The following GNAI1 variants were observed in gnomAD, a reference collection of about 807,000 sequenced individuals.
GNAI1 encodes the protein G protein subunit alpha i1, also known as guanine nucleotide-binding protein G(i) subunit alpha-1.
Under a neutral mutation model 38.9 loss-of-function variants are expected in GNAI1, and 11 were observed. The ratio of observed to expected loss-of-function variants is 0.28; its 90% CI spans 0.18 to 0.47. The LOEUF is 0.47. Among genes scored for constraint, GNAI1 ranks in the 20% least tolerant of loss-of-function variants. GNAI1 has a pLI of 0.99. For missense variants in GNAI1, 317 were observed against 436.9 expected (o/e 0.73, Z 2.45); for synonymous variants, 166 against 145.1 (o/e 1.14, Z -1.04).
intron 7 of GNAI1, among the ~76,000 whole-genome samples, chr7:80,215,538 A>C (rs1203035597): frequency 6.6e-6 from 1 of 152,204 alleles, no homozygotes; most frequent in African/African-American, 2.4e-5. Context: ...AAATCTCATA[A>C]TCTATGCTGT....
At chr7:80,211,360 T>C (rs1788870051) in intron 6 of GNAI1, among the ~76,000 whole-genome samples, 1 of 152,204 alleles carries the variant, frequency 6.6e-6, no homozygotes, top group Admixed American at 6.5e-5. Flanking sequence ...GGAAATATAG[T>C]TACATAGTAG....
chr7:80,158,362 C>T (rs548364679), intron 1 of GNAI1, among the ~76,000 whole-genome samples: 1 of 152,230 alleles, frequency 6.6e-6, no homozygotes, highest in African/African-American at 2.4e-5. Flanking sequence ...TTCTTGTTTT[C>T]TAAAGGGTGA....
chr7:80,220,008 A>G lies in GNAI1; in HGVS notation c.*2515A>G, dbSNP rs978747619. On this transcript the variant is annotated 3_prime_UTR_variant, in exon 8 of 8. Coordinates refer to ENST00000649796, the MANE Select transcript of GNAI1 (RefSeq NM_002069.6). The stretch of plus-strand genomic sequence containing the variant: ...AATGGCATTATTAGTTAAATTCCCC[A>G]CCTCCCATTTCTCTCTTCTCGAAAA... 2.6e-5 allele frequency among the ~76,000 whole-genome samples: 4 copies of G among 151,692 alleles called. No individual in the cohort carries two copies. The East Asian group carries it at 7.7e-4, about 29-fold the overall frequency.
rs1219369842 is a variant in GNAI1 at position 80,183,443 on chromosome 7, A to G, written c.119-5508A>G. On this transcript the variant is annotated intron_variant, in intron 1 of 7. Transcript: ENST00000649796. The stretch of plus-strand genomic sequence containing the variant: ...TCAGTGTTAACATTTTAAATCAGTA[A>G]ATTCAACATAAAAATTAAGATTTCT... Among the ~76,000 whole-genome samples, 6 of 152,256 alleles carry G rather than the reference A, an allele frequency of 3.9e-5. No individual in the cohort carries two copies. In the East Asian group the frequency reaches 1.2e-3, roughly 29 times the overall value.
chr7:80,198,429 T>G (rs946331346), intron 3 of GNAI1, among the ~76,000 whole-genome samples: 2 of 152,162 alleles, frequency 1.3e-5, no homozygotes, highest in South Asian at 4.1e-4. Context: ...ACACACTGAT[T>G]TAGAGTGGTT....
chr7:80,135,532 C>G (rs543581913), intron 1 of GNAI1: 3 of 387,188 alleles, frequency 7.7e-6, no homozygotes, highest in East Asian at 7.6e-5. Context: ...TTCGTGCGAC[C>G]CAGCAAAGAG....
intron 1 of GNAI1, among the ~76,000 whole-genome samples, chr7:80,143,094 C>T (rs991468825): frequency 6.6e-6 from 1 of 152,326 alleles, no homozygotes; most frequent in South Asian, 2.1e-4. Flanking sequence ...GCAGACTGTT[C>T]TTTATGTCTT....
chr7:80,148,551 TAGAAAA>T (rs1787669058), intron 1 of GNAI1, among the ~76,000 whole-genome samples: 1 of 151,886 alleles, frequency 6.6e-6, no homozygotes, highest in African/African-American at 2.4e-5. Flanking sequence ...ACAAAAAACT[TAGAAAA>T]TTAGAGCATC....
chr7:80,164,930 G>T (rs191511806), intron 1 of GNAI1, among the ~76,000 whole-genome samples: 1 of 149,896 alleles, frequency 6.7e-6, no homozygotes, highest in African/African-American at 2.5e-5. Flanking sequence ...TGGAAAAAAG[G>T]ATATATGAAA....
chr7:80,197,694 G>A (rs1788603203), intron 3 of GNAI1, among the ~76,000 whole-genome samples: 1 of 152,054 alleles, frequency 6.6e-6, no homozygotes, highest in African/African-American at 2.4e-5. Flanking sequence ...TCATGCACGT[G>A]TCGCTTGCAT....
Position 80,220,113 on chromosome 7 carries a change from A to G in GNAI1, c.*2620A>G, listed in dbSNP as rs1789045058. On this transcript the variant is annotated 3_prime_UTR_variant, in exon 8 of 8. Transcript: ENST00000649796. ...GATCTGCATTGGCTCTGATTTGTCA[A>G]TAAAATTAAGTATAAGTTAGCCTGC... 6.6e-6 allele frequency among the ~76,000 whole-genome samples: 1 copy of G among 152,164 alleles called. No individual in the cohort carries two copies. Among genetic ancestry groups the G allele is most frequent in the South Asian group, 2.1e-4 (1 of 4,830 alleles).
intron 7 of GNAI1, among the ~76,000 whole-genome samples, chr7:80,214,241 T>C (rs958156104): frequency 3.3e-5 from 5 of 152,212 alleles, no homozygotes; most frequent in Admixed American, 3.3e-4. Flanking sequence ...TGCTTTCTTT[T>C]TGAAAGTCAA....
intron 1 of GNAI1, among the ~76,000 whole-genome samples, chr7:80,136,936 T>A (rs906464124): frequency 6.6e-6 from 1 of 152,144 alleles, no homozygotes; most frequent in African/African-American, 2.4e-5. Context: ...GATCAGTGTG[T>A]CTTGATCTTA....
Position 80,134,867 on chromosome 7 carries a change from A to C in GNAI1, c.-294A>C. ...GGCTTGGCGAGGCTGCGGCGCGGCCACCGGCGGGAGTGCAGCGGCCACTGT... is the reference window on the plus strand; with the variant it reads ...GGCTTGGCGAGGCTGCGGCGCGGCCCCCGGCGGGAGTGCAGCGGCCACTGT... On this transcript the variant is annotated 5_prime_UTR_variant, in exon 1 of 8. Transcript: ENST00000649796. 1 of 223,386 alleles carries C rather than the reference A, an allele frequency of 4.5e-6. No homozygotes were observed. Among genetic ancestry groups the C allele is most frequent in the Non-Finnish European group, 8.7e-6 (1 of 114,878 alleles). 13.8% of individuals were successfully genotyped at this position (223,386 alleles called of 1,614,324 possible).
chr7:80,161,674 C>T (rs1272289464), intron 1 of GNAI1, among the ~76,000 whole-genome samples: 2 of 152,148 alleles, frequency 1.3e-5, no homozygotes, highest in Non-Finnish European at 2.9e-5. Flanking sequence ...GTAATGTTAT[C>T]GTTAATGCTG....
At chr7:80,205,294 A>C (rs2115688557) in intron 5 of GNAI1, among the ~76,000 whole-genome samples, 1 of 152,200 alleles carries the variant, frequency 6.6e-6, no homozygotes, top group South Asian at 2.1e-4. Flanking sequence ...TGTTCTTTTA[A>C]GTTTAACAGA....
chr7:80,156,589 C>T (rs183070302), intron 1 of GNAI1, among the ~76,000 whole-genome samples: 9 of 152,142 alleles, frequency 5.9e-5, no homozygotes. Context: ...CCACCATTCC[C>T]AGCCAATTTT....
At chr7:80,160,507 G>T (rs1326872455) in intron 1 of GNAI1, among the ~76,000 whole-genome samples, 1 of 152,080 alleles carries the variant, frequency 6.6e-6, no homozygotes. Context: ...TTCAGTATAG[G>T]TCAAAGTTTG....
chr7:80,221,828 AG>A lies in GNAI1; in HGVS notation c.*4341del, dbSNP rs753831238. Among the ~76,000 whole-genome samples, 1 of 151,490 alleles carries A rather than the reference AG, an allele frequency of 6.6e-6. No individual in the cohort carries two copies. Among genetic ancestry groups the A allele is most frequent in the Non-Finnish European group, 1.5e-5 (1 of 67,864 alleles). ...CAGCTAATTTTTGTATTTTTAGTAA[AG>A]GGGGGTTTCACCATGTTGGCCAGGA... On this transcript the variant is annotated 3_prime_UTR_variant, in exon 8 of 8. Coordinates refer to ENST00000649796, the MANE Select transcript of GNAI1 (RefSeq NM_002069.6).
Sources: allele counts gnomAD v4.1 joint callset (sites outside exome capture counted in the v4.1 genomes callset), GRCh38; gene constraint gnomAD v4.1.1; transcripts MANE v1.5; gene names NCBI Gene and HGNC (gene_info 2026-07-23, HGNC 2026-07-21).